Variants in RABL3 observed in about 807,000 individuals in gnomAD.
The protein encoded by RABL3 is rab-like protein 3.
In RABL3, 31 loss-of-function variants were observed where a neutral mutation model predicts 31.8. That is an observed-to-expected ratio of 0.97 (90% confidence interval 0.73 to 1.31). The LOEUF (loss-of-function observed/expected upper bound fraction) is 1.31. RABL3 is among the 40% of genes most tolerant of loss of function. RABL3 has a pLI of 0.00. For synonymous variants in RABL3, 97 were observed against 99.9 expected (o/e 0.97, Z 0.18); for missense variants, 263 against 279.6 (o/e 0.94, Z 0.42).
At chr3:120,728,828 C>A (rs986804191) in intron 2 of RABL3, among the ~76,000 whole-genome samples, 1 of 151,998 alleles carries the variant, frequency 6.6e-6, no homozygotes, top group Non-Finnish European at 1.5e-5. Context: ...GCAGAGAAGA[C>A]TAGCTCAAGA....
chr3:120,736,899 T>TA (rs1335766281), intron 1 of RABL3, among the ~76,000 whole-genome samples: 2 of 152,244 alleles, frequency 1.3e-5, no homozygotes, highest in African/African-American at 4.8e-5. Flanking sequence ...TGCTGAGAGA[T>TA]ACGCTGATGG....
At chr3:120,698,715 C>T in intron 4 of RABL3, 142 bp from the exon 5 acceptor site, 1 of 672,252 alleles carries the variant, frequency 1.5e-6, no homozygotes, top group South Asian at 2.0e-5. Context: ...ACTTTCCTTC[C>T]AACTTCTTCC....
At chr3:120,742,611 T>G (rs1051295934), upstream of RABL3, 4 of 1,134,724 alleles carry the variant, frequency 3.5e-6, no homozygotes, top group South Asian at 1.3e-5. Context: ...ACTCGGAGCG[T>G]GACTGTCTTG....
Position 120,698,621 on chromosome 3 carries a change from G to A in RABL3, c.384-48C>T, listed in dbSNP as rs373261829. 3,294 of 1,478,958 alleles carry A rather than the reference G, an allele frequency of 2.2e-3. 5 individuals are homozygous for A. Among genetic ancestry groups the A allele is most frequent in the Non-Finnish European group, 2.8e-3 (2,992 of 1,081,018 alleles). 91.6% of individuals were successfully genotyped at this position (1,478,958 alleles called of 1,614,324 possible). A position where few individuals can be genotyped will look rare whatever the true frequency, so the allele number is the denominator to read the frequency against. ...GGTGAATAGAATGTATCTTTCTGGT[G>A]TAGATGTGTAATATTTAAGTGCAAC... On this transcript the variant is annotated intron_variant, in intron 4 of 7. Transcript: ENST00000273375.
intron 2 of RABL3, among the ~76,000 whole-genome samples, chr3:120,725,819 G>T (rs1708812603): frequency 6.6e-6 from 1 of 152,094 alleles, no homozygotes; most frequent in South Asian, 2.1e-4. Flanking sequence ...AGCGGGGAGG[G>T]ATAGCATTAG....
intron 6 of RABL3, 86 bp downstream of exon 6, chr3:120,694,067 A>T: frequency 1.3e-6 from 1 of 791,060 alleles, no homozygotes; most frequent in Non-Finnish European, 2.1e-6. Context: ...GGACAAAAAA[A>T]TAAAGGTCAT....
At chr3:120,696,144 G>T (rs895898580) in intron 5 of RABL3, among the ~76,000 whole-genome samples, 17 of 152,144 alleles carry the variant, frequency 1.1e-4, no homozygotes, top group African/African-American at 4.1e-4. Context: ...TAGAAAATAA[G>T]TAATGGTTCA....
At chr3:120,709,735 A>AT (rs1358755161) in intron 3 of RABL3, 45 bp downstream of exon 3, 1 of 1,405,230 alleles carries the variant, frequency 7.1e-7, no homozygotes, top group African/African-American at 1.4e-5. Context: ...GATGATCTAT[A>AT]CTCTTAGACC....
At position 120,687,230 on chromosome 3, in the gene RABL3, C is replaced by T. The variant is rs752115630; in HGVS notation, c.*2593G>A. On this transcript the variant is annotated 3_prime_UTR_variant, in exon 8 of 8. Transcript: ENST00000273375. Reference sequence around the variant, plus strand: ...GAAAATTGGTCAGACACCGAAATCACAACAGAAAAAAAAAATCTTTATTTC... The same window carrying T: ...GAAAATTGGTCAGACACCGAAATCATAACAGAAAAAAAAAATCTTTATTTC... 2.0e-5 allele frequency: 3 copies of T among 151,272 alleles called. No homozygotes were observed. The highest frequency in any genetic ancestry group is 4.4e-5 in the Non-Finnish European group (3 of 67,806). The allele number at this position is 151,272 out of a possible 1,614,324, so 9.4% of individuals were successfully genotyped here.
At chr3:120,700,484 G>A (rs1485398121) in intron 4 of RABL3, among the ~76,000 whole-genome samples, 3 of 151,910 alleles carry the variant, frequency 2.0e-5, no homozygotes, top group South Asian at 2.1e-4. Context: ...CAAAAAGGGA[G>A]AACCTAAGAT....
intron 2 of RABL3, chr3:120,722,155 C>T (rs1009713395): frequency 1.3e-5 from 2 of 152,132 alleles, no homozygotes; most frequent in Non-Finnish European, 2.9e-5. Context: ...GCTCATTCAT[C>T]TCCTTAACAG....
rs1379226181 is a variant in RABL3 at position 120,698,425 on chromosome 3, A to G, written c.532T>C (p.Leu178=). The G allele has an allele frequency of 6.2e-7, 1 of 1,612,220 alleles. No homozygotes were observed. The highest frequency in any genetic ancestry group is 8.5e-7 in the Non-Finnish European group (1 of 1,179,392). The change falls in exon 5 of 8, where the codon TTG becomes CTG. Residue 178 remains leucine, a splice_region_variant and synonymous_variant. Transcript: ENST00000273375. The stretch of plus-strand genomic sequence containing the variant: ...CATGCATTAGTGAAAATACATACCA[A>G]ATTAATTTCTTCTGGATTGAAATCC... ...AEDFNPEEIN[L]DCTNPRYLAA...
At chr3:120,708,451 C>T (rs1559815340) in intron 3 of RABL3, among the ~76,000 whole-genome samples, 1 of 151,792 alleles carries the variant, frequency 6.6e-6, no homozygotes, top group Non-Finnish European at 1.5e-5. Flanking sequence ...ATTATTTATT[C>T]ATAATTTTTA....
intron 1 of RABL3, among the ~76,000 whole-genome samples, chr3:120,740,414 C>A (rs1310931030): frequency 1.3e-5 from 2 of 152,092 alleles, no homozygotes; most frequent in African/African-American, 2.4e-5. Context: ...GCGTGCACCA[C>A]CATGCCCGGC....
At chr3:120,732,812 G>A (rs1386160179) in intron 1 of RABL3, among the ~76,000 whole-genome samples, 1 of 151,090 alleles carries the variant, frequency 6.6e-6, no homozygotes. Context: ...AACAAGTGGT[G>A]TTTGGTTTTT....
rs528315082 is a variant in RABL3 at position 120,715,864 on chromosome 3, C to T, written c.139-5955G>A. On this transcript the variant is annotated intron_variant, in intron 2 of 7. Coordinates refer to ENST00000273375, the MANE Select transcript of RABL3 (RefSeq NM_173825.5). ...AACTTACTAACTATATGATCCAGGACAAGTCATGTAGTGCCTCTGTGCTTC... is the reference window on the plus strand; with the variant it reads ...AACTTACTAACTATATGATCCAGGATAAGTCATGTAGTGCCTCTGTGCTTC... Among the ~76,000 whole-genome samples the T allele has an allele frequency of 7.7e-4, 117 of 152,192 alleles. 1 individual carries two copies. The highest frequency in any genetic ancestry group is 2.7e-3 in the African/African-American group (112 of 41,514).
intron 2 of RABL3, among the ~76,000 whole-genome samples, chr3:120,717,808 T>G (rs1708688512): frequency 6.6e-6 from 1 of 152,196 alleles, no homozygotes; most frequent in Non-Finnish European, 1.5e-5. Flanking sequence ...TGCTATTACT[T>G]CTAAAACTTG....
intron 2 of RABL3, among the ~76,000 whole-genome samples, chr3:120,724,314 G>A (rs1436474507): frequency 6.6e-6 from 1 of 152,138 alleles, no homozygotes; most frequent in African/African-American, 2.4e-5. Context: ...ACAAACAAAT[G>A]GAAGAACATT....
chr3:120,740,698 C>T (rs16831587), intron 1 of RABL3, among the ~76,000 whole-genome samples: 1,730 of 152,304 alleles, frequency 0.011, 33 homozygotes, highest in African/African-American at 0.04. Flanking sequence ...AGACTGTGTA[C>T]TTTTAAATCG....
Sources: gnomAD v4.1 joint callset for allele counts (sites outside exome capture counted in the v4.1 genomes callset) on GRCh38, gnomAD v4.1.1 for gene constraint, MANE v1.5 for transcripts, NCBI Gene and HGNC (gene_info 2026-07-23, HGNC 2026-07-21) for gene names.